CXCL17: variants seen among roughly 807,000 people sequenced by gnomAD.
CXCL17 encodes the protein C-X-C motif chemokine 17.
CXCL17 carries 9 observed loss-of-function variants against 15.5 expected under a neutral mutation model. The ratio of observed to expected loss-of-function variants is 0.58; its 90% CI spans 0.35 to 1.01. CXCL17 has a LOEUF of 1.01. Ranked by LOEUF, CXCL17 falls within the 50% of genes least tolerant of loss-of-function variation. CXCL17 has a pLI of 0.02. For synonymous variants in CXCL17, 52 were observed against 52.3 expected (o/e 0.99, Z 0.02); for missense variants, 133 against 138.2 (o/e 0.96, Z 0.19).
intron 1 of CXCL17, among the ~76,000 whole-genome samples, chr19:42,436,261 A>C (rs1600162245): frequency 6.6e-6 from 1 of 152,262 alleles, no homozygotes; most frequent in Middle Eastern, 3.4e-3. Context: ...ACACAGATGG[A>C]GGGGGTTGCG....
intron 3 of CXCL17, among the ~76,000 whole-genome samples, chr19:42,430,931 G>T (rs1488627856): frequency 6.6e-6 from 1 of 151,956 alleles, no homozygotes; most frequent in East Asian, 1.9e-4. Flanking sequence ...TCTGCCTCCC[G>T]GGTTCAAATA....
chr19:42,431,948 C>T (rs2040785730), intron 3 of CXCL17, among the ~76,000 whole-genome samples: 2 of 148,508 alleles, frequency 1.3e-5, no homozygotes, highest in African/African-American at 5.3e-5. Context: ...ATTCTTGTAC[C>T]TATATTTTGA....
intron 1 of CXCL17, among the ~76,000 whole-genome samples, chr19:42,441,084 C>T (rs1464148294): frequency 6.6e-6 from 1 of 152,136 alleles, no homozygotes; most frequent in Non-Finnish European, 1.5e-5. Flanking sequence ...AGGATGCATT[C>T]TTGCAGTTAG....
intron 1 of CXCL17, among the ~76,000 whole-genome samples, chr19:42,441,016 T>G (rs1217455123): frequency 6.6e-6 from 1 of 152,198 alleles, no homozygotes; most frequent in African/African-American, 2.4e-5. Flanking sequence ...CGCAAGGAAC[T>G]GTTCAGCCCA....
chr19:42,438,381 A>AAAAAAATATATATATATATATATAT (rs1555793041), intron 1 of CXCL17, among the ~76,000 whole-genome samples: 1 of 63,852 alleles, frequency 1.6e-5, no homozygotes, highest in African/African-American at 7.6e-5. Context: ...AAAAAAAAAA[A>AAAAAAATATATATATATATATATAT]ATATATATAT....
chr19:42,433,460 T>C (rs933423852), intron 2 of CXCL17, among the ~76,000 whole-genome samples: 4 of 152,136 alleles, frequency 2.6e-5, no homozygotes, highest in African/African-American at 9.7e-5. Flanking sequence ...AGGCTGAGAA[T>C]AGGATTCAGG....
chr19:42,440,412 T>TA (rs1026840484), intron 1 of CXCL17, among the ~76,000 whole-genome samples: 22 of 152,310 alleles, frequency 1.4e-4, no homozygotes, highest in South Asian at 1.2e-3. Flanking sequence ...CTTTAGCCAC[T>TA]AAGTAGCTCA....
intron 1 of CXCL17, among the ~76,000 whole-genome samples, chr19:42,437,007 G>A (rs1271896766): frequency 6.6e-6 from 1 of 151,698 alleles, no homozygotes; most frequent in Non-Finnish European, 1.5e-5. Flanking sequence ...TTGTGATCTC[G>A]GCTCACTGCA....
In CXCL17 at chr19:42,436,846, AG is replaced by A. The variant is rs1200577922; in HGVS notation, c.80-2991del. 3.9e-5 allele frequency among the ~76,000 whole-genome samples: 6 copies of A among 152,308 alleles called. No individual in the cohort carries two copies. In the East Asian group the frequency reaches 1.2e-3, roughly 29 times the overall value. On this transcript the variant is annotated intron_variant, in intron 1 of 3. Transcript: ENST00000601181. ...TTCCAAATTTTAGATTATTTTCTTG[AG>A]AGAGAGTTCCCAAAGTGGAATTACT...
intron 3 of CXCL17, among the ~76,000 whole-genome samples, chr19:42,429,890 G>A (rs1363025767): frequency 7.2e-5 from 11 of 152,106 alleles, no homozygotes; most frequent in African/African-American, 1.2e-4. Context: ...AAATCTGGCC[G>A]GGCATAGTGG....
At chr19:42,437,641 T>C (rs2040846708) in intron 1 of CXCL17, among the ~76,000 whole-genome samples, 1 of 152,196 alleles carries the variant, frequency 6.6e-6, no homozygotes, top group African/African-American at 2.4e-5. Context: ...GAGTACATGA[T>C]GGTTATCATT....
chr19:42,435,929 G>A (rs2040830405), intron 1 of CXCL17, among the ~76,000 whole-genome samples: 1 of 151,980 alleles, frequency 6.6e-6, no homozygotes, highest in Admixed American at 6.6e-5. Flanking sequence ...CAACCTGGAA[G>A]AGGACCCTTG....
Position 42,442,752 on chromosome 19 carries a change from A to G in CXCL17, c.79+2T>C. 6.2e-7 allele frequency: 1 copy of G among 1,608,416 alleles called. No homozygotes were observed. Among genetic ancestry groups the G allele is most frequent in the Non-Finnish European group, 8.5e-7 (1 of 1,176,128 alleles). On this transcript the variant is annotated splice_donor_variant, in intron 1 of 3. Transcript: ENST00000601181. LOFTEE classifies it high-confidence loss of function. The stretch of plus-strand genomic sequence containing the variant: ...TTCCCCTTCATAGACAGTCTTGTTT[A>G]CCTGGATTCAGGCTGCTAGAGACCA...
intron 1 of CXCL17, among the ~76,000 whole-genome samples, chr19:42,438,575 G>A (rs1035325378): frequency 4.0e-5 from 6 of 151,390 alleles, no homozygotes; most frequent in Non-Finnish European, 7.4e-5. Flanking sequence ...ATGAGTGTGC[G>A]TGTGTGTTAT....
chr19:42,440,573 A>G (rs111263668), intron 1 of CXCL17, among the ~76,000 whole-genome samples: 2 of 152,224 alleles, frequency 1.3e-5, no homozygotes, highest in African/African-American at 2.4e-5. Context: ...AGCGACTTAG[A>G]AACTACTCAG....
chr19:42,442,637 A>G (rs1297882546), intron 1 of CXCL17, 117 bp downstream of exon 1: 1 of 691,562 alleles, frequency 1.4e-6, no homozygotes, highest in Non-Finnish European at 2.5e-6. Flanking sequence ...ACTGGCATTG[A>G]GAAAGGCTCA....
At chr19:42,436,457 A>T (rs1200747531) in intron 1 of CXCL17, among the ~76,000 whole-genome samples, 1 of 152,060 alleles carries the variant, frequency 6.6e-6, no homozygotes, top group East Asian at 1.9e-4. Context: ...CCCAGAGATT[A>T]TTTAATTGAA....
chr19:42,439,965 A>G (rs749982009), intron 1 of CXCL17, among the ~76,000 whole-genome samples: 1 of 152,224 alleles, frequency 6.6e-6, no homozygotes, highest in Non-Finnish European at 1.5e-5. Context: ...TATCAGTGCT[A>G]ATCTCCTGGT....
In CXCL17 at chr19:42,433,063, C is replaced by G. The variant is rs1199467630; in HGVS notation, c.175G>C (p.Ala59Pro). The G allele has an allele frequency of 1.2e-6, 2 of 1,613,352 alleles. No homozygotes were observed. The highest frequency in any genetic ancestry group is 3.3e-5 in the Admixed American group (2 of 59,900). ...ACTGTCATGAATTTTCTTCTCGGGG[C>G]TCTCAGGAACCAATCTGGAACAACA... The part of the protein sequence containing the change: ...ECECKDWFLR[A>P]PRRKFMTVSG... Residue 59 changes from alanine to proline, a missense_variant, in exon 3 of 4, where the codon GCC (alanine) becomes CCC (proline). Ala to Pro is a conservative substitution (Grantham distance 27). Coordinates refer to ENST00000601181, the MANE Select transcript of CXCL17 (RefSeq NM_198477.3).
Sources: gnomAD v4.1 joint callset for allele counts (sites outside exome capture counted in the v4.1 genomes callset) on GRCh38, gnomAD v4.1.1 for gene constraint, MANE v1.5 for transcripts, NCBI Gene and HGNC (gene_info 2026-07-23, HGNC 2026-07-21) for gene names.